Variants in CTIF observed in about 807,000 individuals in gnomAD.
CTIF encodes cap binding complex dependent translation initiation factor.
In CTIF, 21 loss-of-function variants were observed where a neutral mutation model predicts 66.0. The observed-to-expected ratio is 0.32, with a 90% CI of 0.23 to 0.46. The LOEUF is 0.46. Ranked by LOEUF, CTIF falls within the 20% of genes least tolerant of loss-of-function variation. The pLI, the probability that CTIF is intolerant of heterozygous loss-of-function variation, is 1.00. For missense variants in CTIF, 739 were observed against 812.7 expected (o/e 0.91, Z 1.10); for synonymous variants, 345 against 326.4 (o/e 1.06, Z -0.62).
At chr18:48,691,887 T>C (rs1443716200) in intron 6 of CTIF, among the ~76,000 whole-genome samples, 5 of 152,292 alleles carry the variant, frequency 3.3e-5, no homozygotes, top group Non-Finnish European at 5.9e-5. Flanking sequence ...CATTTTATCC[T>C]TTTCTTCTTT....
At chr18:48,807,578 G>GTGT (rs2068174190) in intron 9 of CTIF, among the ~76,000 whole-genome samples, 1 of 90,572 alleles carries the variant, frequency 1.1e-5, no homozygotes. Context: ...TTTTGTTGTT[G>GTGT]TGTTTTTTTT....
At chr18:48,560,133 C>T (rs545279171) in intron 1 of CTIF, among the ~76,000 whole-genome samples, 18 of 152,160 alleles carry the variant, frequency 1.2e-4, no homozygotes, top group African/African-American at 4.1e-4. Context: ...CTTCCATATA[C>T]TACTGGTCAA....
rs143759751 is a variant in CTIF, at chr18:48,764,734, T to C, written c.1371+3045T>C. On this transcript the variant is annotated intron_variant, in intron 9 of 11. Coordinates refer to ENST00000256413, the MANE Select transcript of CTIF (RefSeq NM_014772.3). Reference sequence around the variant, plus strand: ...TCTGCGGGTCAGGTCTTTAGAAATCTAAATGTCCACATAGGCCACCACTCA... The same window carrying C: ...TCTGCGGGTCAGGTCTTTAGAAATCCAAATGTCCACATAGGCCACCACTCA... Among the ~76,000 whole-genome samples, 272 of 152,324 alleles carry C rather than the reference T, an allele frequency of 1.8e-3. 2 individuals are homozygous for C. The highest frequency in any genetic ancestry group is 6.0e-3 in the African/African-American group (248 of 41,566).
chr18:48,631,976 AGGTTC>A (rs1481036828), intron 2 of CTIF, among the ~76,000 whole-genome samples: 2 of 152,182 alleles, frequency 1.3e-5, no homozygotes, highest in African/African-American at 2.4e-5. Flanking sequence ...AGATCAGGAC[AGGTTC>A]TGGGGAGGTC....
intron 1 of CTIF, among the ~76,000 whole-genome samples, chr18:48,616,487 G>T (rs28728353): frequency 1.3e-5 from 2 of 152,196 alleles, no homozygotes; most frequent in African/African-American, 2.4e-5. Context: ...CACCAGGAGT[G>T]GGGATGGAGA....
intron 1 of CTIF, among the ~76,000 whole-genome samples, chr18:48,604,536 T>C (rs183020740): frequency 1.8e-4 from 28 of 152,318 alleles, no homozygotes; most frequent in African/African-American, 6.7e-4. Flanking sequence ...TTCTAACAAC[T>C]ATGGTTTTTT....
chr18:48,821,627 T>C (rs1017536780), intron 10 of CTIF, among the ~76,000 whole-genome samples: 3 of 152,244 alleles, frequency 2.0e-5, no homozygotes, highest in African/African-American at 7.2e-5. Flanking sequence ...CTTCCAGAGA[T>C]GAAAAAGAAG....
chr18:48,601,547 T>C (rs1001615743), intron 1 of CTIF, among the ~76,000 whole-genome samples: 2 of 152,176 alleles, frequency 1.3e-5, no homozygotes, highest in Non-Finnish European at 2.9e-5. Context: ...ACAATATTAT[T>C]GAATGACAGC....
At chr18:48,829,053 C>T (rs564021632) in intron 10 of CTIF, among the ~76,000 whole-genome samples, 1 of 152,272 alleles carries the variant, frequency 6.6e-6, no homozygotes, top group East Asian at 1.9e-4. Flanking sequence ...GGGAGGGGAC[C>T]GGCAGCTGCT....
At chr18:48,765,546 G>A (rs556833766) in intron 9 of CTIF, among the ~76,000 whole-genome samples, 3 of 152,266 alleles carry the variant, frequency 2.0e-5, no homozygotes, top group Non-Finnish European at 4.4e-5. Flanking sequence ...CCGGCAGCAT[G>A]GAGGGAGAGG....
At chr18:48,813,100 T>C (rs2068294754) in intron 9 of CTIF, among the ~76,000 whole-genome samples, 1 of 152,216 alleles carries the variant, frequency 6.6e-6, no homozygotes, top group South Asian at 2.1e-4. Flanking sequence ...TCTGCATTAC[T>C]TTTTCTGCAT....
intron 9 of CTIF, among the ~76,000 whole-genome samples, chr18:48,773,131 T>G (rs1281413242): frequency 6.6e-6 from 1 of 152,138 alleles, no homozygotes; most frequent in African/African-American, 2.4e-5. Flanking sequence ...AGTTCCAGGA[T>G]CAATTAAAAA....
chr18:48,795,913 G>A (rs1213370888), intron 9 of CTIF, among the ~76,000 whole-genome samples: 1 of 152,164 alleles, frequency 6.6e-6, no homozygotes, highest in African/African-American at 2.4e-5. Context: ...TCTCAGCCAG[G>A]TACCATCTTT....
chr18:48,599,754 AAGG>A (rs1386479215), intron 1 of CTIF, among the ~76,000 whole-genome samples: 2 of 152,190 alleles, frequency 1.3e-5, no homozygotes, highest in South Asian at 2.1e-4. Context: ...AGAGGATTAG[AAGG>A]AGATCTCCTC....
rs188310651 is a variant in CTIF at position 48,558,254 on chromosome 18, A to G, written c.-29+18942A>G. Among the ~76,000 whole-genome samples, 4 of 152,396 alleles carry G rather than the reference A, an allele frequency of 2.6e-5. No individual in the cohort carries two copies. In the East Asian group the frequency reaches 7.7e-4, roughly 29 times the overall value. On this transcript the variant is annotated intron_variant, in intron 1 of 11. Coordinates refer to ENST00000256413, the MANE Select transcript of CTIF (RefSeq NM_014772.3). ...TGTGCATTAAAGAATGACAAACACAACTAGTACATAGAATTTGTGATGTTC... is the reference window on the plus strand; with the variant it reads ...TGTGCATTAAAGAATGACAAACACAGCTAGTACATAGAATTTGTGATGTTC...
intron 9 of CTIF, among the ~76,000 whole-genome samples, chr18:48,788,548 C>T (rs779988163): frequency 6.6e-6 from 1 of 152,062 alleles, no homozygotes; most frequent in Non-Finnish European, 1.5e-5. Context: ...AGCATTTTTC[C>T]CCTGCCTGGC....
chr18:48,787,859 C>A (rs1351737682), intron 9 of CTIF, among the ~76,000 whole-genome samples: 2 of 152,226 alleles, frequency 1.3e-5, no homozygotes, highest in East Asian at 3.8e-4. Context: ...CCTGAGGGGA[C>A]TGGCCACACA....
rs1396271640 is a variant in CTIF, at chr18:48,778,853, A to G, written c.1371+17164A>G. Among the ~76,000 whole-genome samples, 54 of 152,236 alleles carry G rather than the reference A, an allele frequency of 3.5e-4. 1 individual carries two copies. Among genetic ancestry groups the G allele is most frequent in the Admixed American group, 3.5e-3 (54 of 15,284 alleles). On this transcript the variant is annotated intron_variant, in intron 9 of 11. Coordinates refer to ENST00000256413, the MANE Select transcript of CTIF (RefSeq NM_014772.3). The stretch of plus-strand genomic sequence containing the variant: ...GCACCGCATCGGGACACATCAGTCC[A>G]GCAGGTCGCGCTGGTCCCTGGGGAG...
At chr18:48,645,806 C>T (rs1298667425) in intron 3 of CTIF, among the ~76,000 whole-genome samples, 4 of 152,226 alleles carry the variant, frequency 2.6e-5, no homozygotes, top group Admixed American at 6.5e-5. Context: ...CTCCACCCAG[C>T]GGTGACAGCA....
Sources: gnomAD v4.1 joint callset for allele counts (sites outside exome capture counted in the v4.1 genomes callset) on GRCh38, gnomAD v4.1.1 for gene constraint, MANE v1.5 for transcripts, NCBI Gene and HGNC (gene_info 2026-07-23, HGNC 2026-07-21) for gene names.